The following PRIM2 variants were observed in gnomAD, a reference collection of about 807,000 sequenced individuals.
PRIM2 encodes the protein DNA primase large subunit.
In PRIM2, 39 loss-of-function variants were observed where a neutral mutation model predicts 67.3. The observed-to-expected ratio is 0.58, with a 90% CI of 0.45 to 0.76. The LOEUF is 0.76. Ranked by LOEUF, PRIM2 falls within the 30% of genes least tolerant of loss-of-function variation. The pLI is 0.00. For missense variants in PRIM2, 398 were observed against 598.7 expected (o/e 0.66, Z 3.50); for synonymous variants, 143 against 198.7 (o/e 0.72, Z 2.36).
chr6:57,592,644 T>C (rs1199541201), intron 10 of PRIM2, among the ~76,000 whole-genome samples: 1 of 152,074 alleles, frequency 6.6e-6, no homozygotes, highest in East Asian at 1.9e-4. Context: ...ATACAAAAAC[T>C]AGCTGGGCTG....
intron 10 of PRIM2, among the ~76,000 whole-genome samples, chr6:57,595,678 G>A (rs1776353428): frequency 6.6e-6 from 1 of 152,134 alleles, no homozygotes; most frequent in African/African-American, 2.4e-5. Context: ...TATTATAAAG[G>A]ATGTTTTAAG....
intron 7 of PRIM2, among the ~76,000 whole-genome samples, chr6:57,455,953 C>T (rs1247708683): frequency 1.3e-5 from 2 of 152,068 alleles, no homozygotes; most frequent in African/African-American, 4.8e-5. Flanking sequence ...TTAGCGCTTC[C>T]TTCAGGAGCT....
At chr6:57,356,270 G>A (rs927740487) in intron 5 of PRIM2, among the ~76,000 whole-genome samples, 1 of 152,122 alleles carries the variant, frequency 6.6e-6, no homozygotes, top group Non-Finnish European at 1.5e-5. Flanking sequence ...GTATATAATA[G>A]TATTACCTCA....
At chr6:57,536,913 A>G (rs1775013490) in intron 9 of PRIM2, among the ~76,000 whole-genome samples, 1 of 151,562 alleles carries the variant, frequency 6.6e-6, no homozygotes, top group Non-Finnish European at 1.5e-5. Context: ...CTGCATGTTG[A>G]CTGTGGTGGT....
chr6:57,349,906 A>T (rs1768806526), intron 5 of PRIM2, among the ~76,000 whole-genome samples: 1 of 152,224 alleles, frequency 6.6e-6, no homozygotes. Flanking sequence ...AAACAAAAAA[A>T]ATCTTCTTAA....
intron 7 of PRIM2, among the ~76,000 whole-genome samples, chr6:57,410,952 T>C (rs1438762869): frequency 2.0e-5 from 3 of 152,010 alleles, no homozygotes; most frequent in African/African-American, 2.4e-5. Flanking sequence ...CAATGTGATA[T>C]AGCTTGGATA....
rs1336577870 is a variant in PRIM2 at position 57,475,969 on chromosome 6, G to A, written c.694-31418G>A. On this transcript the variant is annotated intron_variant, in intron 7 of 13. Coordinates refer to ENST00000615550, the MANE Select transcript of PRIM2 (RefSeq NM_000947.5). ...GAAGGAGAGAATTGTTTCTGTTTGT[G>A]ATTTGTGGCTACCAGTTTTCCTGAC... 6.5e-4 allele frequency among the ~76,000 whole-genome samples: 99 copies of A among 152,232 alleles called. 1 individual carries two copies. Among genetic ancestry groups the A allele is most frequent in the African/African-American group, 2.2e-3 (92 of 41,542 alleles).
intron 7 of PRIM2, among the ~76,000 whole-genome samples, chr6:57,440,216 T>C (rs1362315561): frequency 6.6e-6 from 1 of 151,154 alleles, no homozygotes; most frequent in Non-Finnish European, 1.5e-5. Flanking sequence ...TTTCCTTTTT[T>C]CCCCCAGACA....
At chr6:57,374,303 A>ATTTCTTTATTTTTTTT in intron 5 of PRIM2, among the ~76,000 whole-genome samples, 1 of 139,792 alleles carries the variant, frequency 7.2e-6, no homozygotes, top group Non-Finnish European at 1.6e-5. Context: ...TTATTTATTT[A>ATTTCTTTATTTTTTTT]TTTTTTTTGA....
Position 57,478,276 on chromosome 6 carries a change from G to A in PRIM2, c.694-29111G>A, listed in dbSNP as rs1389838811. ...AGTTGAACAAGTAAGAAAGAGGTAC[G>A]TTGCCACTTAGACTATACATTTCAT... On this transcript the variant is annotated intron_variant, in intron 7 of 13. Transcript: ENST00000615550. 1.1e-4 allele frequency among the ~76,000 whole-genome samples: 17 copies of A among 151,234 alleles called. 1 individual carries two copies. Among genetic ancestry groups the A allele is most frequent in the East Asian group, 3.9e-4 (2 of 5,166 alleles).
At chr6:57,315,555 C>T (rs984806851), upstream of PRIM2, among the ~76,000 whole-genome samples, 9 of 152,060 alleles carry the variant, frequency 5.9e-5, no homozygotes, top group African/African-American at 9.7e-5. Context: ...ATTTCTTTGC[C>T]TCTAGTGATA....
At chr6:57,413,079 T>C (rs1259932462) in intron 7 of PRIM2, among the ~76,000 whole-genome samples, 1 of 151,810 alleles carries the variant, frequency 6.6e-6, no homozygotes, top group East Asian at 1.9e-4. Context: ...TAACTAAAAA[T>C]AGGTATCTGG....
At chr6:57,541,763 CAGG>C (rs1490821961) in intron 10 of PRIM2, among the ~76,000 whole-genome samples, 1 of 152,128 alleles carries the variant, frequency 6.6e-6, no homozygotes, top group African/African-American at 2.4e-5. Flanking sequence ...CTCTTACTCA[CAGG>C]AGGTCAGGCT....
chr6:57,601,484 G>C (rs1284546471), intron 11 of PRIM2, among the ~76,000 whole-genome samples: 1 of 152,200 alleles, frequency 6.6e-6, no homozygotes, highest in Non-Finnish European at 1.5e-5. Context: ...CCTTCCCGCT[G>C]TTCTCTGTCT....
At chr6:57,290,085 C>A in the PRIM2 span, among the ~76,000 whole-genome samples, 1 of 149,538 alleles carries the variant, frequency 6.7e-6, no homozygotes, top group Non-Finnish European at 1.5e-5. Context: ...CACATAGGCT[C>A]CAAATAAAGG....
chr6:57,558,305 G>C lies in PRIM2; in HGVS notation c.1020+20680G>C, dbSNP rs1197593620. 4.7e-4 allele frequency among the ~76,000 whole-genome samples: 71 copies of C among 152,270 alleles called. No homozygotes were observed. The South Asian group carries it at 0.015, about 31-fold the overall frequency. On this transcript the variant is annotated intron_variant, in intron 10 of 13. Transcript: ENST00000615550. ...GTAGAAAGTAGTAAGCATAGTAGGA[G>C]GACAAGCTCAAGAGTAAGATATATC...
chr6:57,222,525 A>G, the PRIM2 span, among the ~76,000 whole-genome samples: 1 of 152,238 alleles, frequency 6.6e-6, no homozygotes, highest in South Asian at 2.1e-4. Flanking sequence ...CTACAGAGTT[A>G]TCACACTTCC....
chr6:57,348,461 G>T (rs9464447), intron 5 of PRIM2, among the ~76,000 whole-genome samples: 6 of 151,952 alleles, frequency 3.9e-5, no homozygotes, highest in Admixed American at 2.0e-4. Flanking sequence ...ACTTGAGTTG[G>T]TTTTTTTTAC....
intron 7 of PRIM2, among the ~76,000 whole-genome samples, chr6:57,446,291 T>G (rs1698950508): frequency 6.7e-6 from 1 of 148,478 alleles, no homozygotes; most frequent in Admixed American, 6.7e-5. Context: ...TTTTTTTTGT[T>G]TTTTTTTTTT....
Sources: gnomAD v4.1 joint callset for allele counts (sites outside exome capture counted in the v4.1 genomes callset) on GRCh38, gnomAD v4.1.1 for gene constraint, MANE v1.5 for transcripts, NCBI Gene and HGNC (gene_info 2026-07-23, HGNC 2026-07-21) for gene names.